The following SPMAP2 variants were observed in gnomAD, a reference collection of about 807,000 sequenced individuals.
SPMAP2 encodes Theg homolog.
chr19:365,899 T>C, the SPMAP2 span, among the ~76,000 whole-genome samples: 4 of 152,248 alleles, frequency 2.6e-5, no homozygotes, highest in African/African-American at 4.8e-5. Flanking sequence ...TCCCAGCACT[T>C]TGGGAGGCCG....
the SPMAP2 span, among the ~76,000 whole-genome samples, chr19:364,136 A>C: frequency 6.6e-6 from 1 of 150,574 alleles, no homozygotes; most frequent in Admixed American, 6.6e-5. Context: ...GATCGAGACC[A>C]TCCTGGCTCA....
chr19:374,216 G>A, the SPMAP2 span: 1 of 1,578,330 alleles, frequency 6.3e-7, no homozygotes, highest in East Asian at 2.2e-5. Flanking sequence ...GAGCCGAGCA[G>A]TGGGGACAGG....
chr19:373,906 C>T, the SPMAP2 span: 1 of 1,601,676 alleles, frequency 6.2e-7, no homozygotes, highest in East Asian at 2.2e-5. Context: ...TGTCCCCCAG[C>T]ATAGGCACAC....
chr19:371,876 G>T, the SPMAP2 span, among the ~76,000 whole-genome samples: 1 of 152,246 alleles, frequency 6.6e-6, no homozygotes, highest in Non-Finnish European at 1.5e-5. Flanking sequence ...CATTGAACAG[G>T]TCTGAGGTTA....
the SPMAP2 span, among the ~76,000 whole-genome samples, chr19:362,798 C>A: frequency 6.7e-6 from 1 of 149,868 alleles, no homozygotes; most frequent in African/African-American, 2.5e-5. Flanking sequence ...AAAAGCTCCC[C>A]CATTCAAACG....
the SPMAP2 span, among the ~76,000 whole-genome samples, chr19:370,052 G>A: frequency 5.9e-5 from 9 of 152,194 alleles, no homozygotes; most frequent in Admixed American, 1.3e-4. Flanking sequence ...GCCAGGATAC[G>A]GCGCACCTGG....
chr19:374,180 T>C, the SPMAP2 span: 2 of 1,527,084 alleles, frequency 1.3e-6, no homozygotes, highest in Non-Finnish European at 1.8e-6. Context: ...CTAAGTTTGC[T>C]GGATGTGGTG....
the SPMAP2 span, chr19:373,349 A>G: frequency 1.1e-6 from 1 of 884,878 alleles, no homozygotes; most frequent in Non-Finnish European, 1.8e-6. Flanking sequence ...TCCAGTGGGG[A>G]GGACAGAGGC....
At chr19:364,739 C>T in the SPMAP2 span, among the ~76,000 whole-genome samples, 1 of 151,940 alleles carries the variant, frequency 6.6e-6, no homozygotes. Flanking sequence ...GCACTCGTGG[C>T]CCCCTCCTCC....
the SPMAP2 span, chr19:373,436 G>C: frequency 1.2e-6 from 2 of 1,610,134 alleles, no homozygotes; most frequent in Non-Finnish European, 1.7e-6. Flanking sequence ...GGCAGCCGGG[G>C]GCAGGGGTCT....
the SPMAP2 span, among the ~76,000 whole-genome samples, chr19:372,132 A>G: frequency 3.4e-3 from 518 of 152,370 alleles, 4 homozygotes; most frequent in African/African-American, 0.012. Context: ...AGTTGGACAC[A>G]CTTCCGCTGT....
the SPMAP2 span, among the ~76,000 whole-genome samples, chr19:365,588 T>C: frequency 7.9e-5 from 7 of 88,838 alleles, no homozygotes; most frequent in South Asian, 4.1e-4. Flanking sequence ...ACAGCAAGTG[T>C]GAGCACATAC....
the SPMAP2 span, chr19:373,651 G>T: frequency 2.1e-6 from 2 of 947,340 alleles, no homozygotes; most frequent in South Asian, 1.5e-5. Flanking sequence ...TGGGAGAGGG[G>T]GTAGGCCAGA....
At chr19:367,026 A>G in the SPMAP2 span, 1 of 1,607,800 alleles carries the variant, frequency 6.2e-7, no homozygotes, top group Non-Finnish European at 8.5e-7. Flanking sequence ...GGATCTGAAC[A>G]GGACATCAGG....
At chr19:369,183 A>G in the SPMAP2 span, among the ~76,000 whole-genome samples, 3 of 152,208 alleles carry the variant, frequency 2.0e-5, no homozygotes, top group African/African-American at 7.2e-5. Flanking sequence ...AAACCACCAT[A>G]GGAGAAGACG....
At chr19:369,038 G>A in the SPMAP2 span, among the ~76,000 whole-genome samples, 1 of 152,216 alleles carries the variant, frequency 6.6e-6, no homozygotes. Flanking sequence ...ACTTTTTAGT[G>A]TGATCAGTGT....
chr19:369,307 G>A, the SPMAP2 span, among the ~76,000 whole-genome samples: 1 of 152,208 alleles, frequency 6.6e-6, no homozygotes, highest in Non-Finnish European at 1.5e-5. Context: ...CTACCACCGA[G>A]TGCTGACCAC....
the SPMAP2 span, among the ~76,000 whole-genome samples, chr19:366,411 C>T: frequency 5.5e-4 from 83 of 152,068 alleles, no homozygotes; most frequent in African/African-American, 1.8e-3. Context: ...GTGGCGAGCA[C>T]AAGTGTGTGC....
chr19:375,469 G>A, the SPMAP2 span, among the ~76,000 whole-genome samples: 2 of 152,188 alleles, frequency 1.3e-5, no homozygotes. Flanking sequence ...GGCCCAGTGA[G>A]GGGTGCTGGC....
Sources: gnomAD v4.1 joint callset for allele counts (sites outside exome capture counted in the v4.1 genomes callset) on GRCh38, gnomAD v4.1.1 for gene constraint, MANE v1.5 for transcripts, NCBI Gene and HGNC (gene_info 2026-07-23, HGNC 2026-07-21) for gene names.